Variants in KANK1 observed in about 807,000 individuals in gnomAD.
The protein encoded by KANK1 is KN motif and ankyrin repeat domains 1, also known as KN motif and ankyrin repeat domain-containing protein 1.
KANK1 carries 109 observed loss-of-function variants against 106.2 expected under a neutral mutation model. That is an observed-to-expected ratio of 1.03 (90% confidence interval 0.88 to 1.20). The LOEUF is 1.20. KANK1 is among the 50% of genes most tolerant of loss of function. The pLI is 0.00. For synonymous variants in KANK1, 873 were observed against 652.2 expected, an observed-to-expected ratio of 1.34 and a Z score of -5.16; for missense variants, 2,399 against 1,710.7, an observed-to-expected ratio of 1.40 and a Z score of -7.10.
intron 1 of KANK1, among the ~76,000 whole-genome samples, chr9:604,261 A>C (rs2135944539): frequency 6.6e-6 from 1 of 151,858 alleles, no homozygotes; most frequent in East Asian, 1.9e-4. Context: ...ACTATGTGTC[A>C]GACATTGTAC....
chr9:573,590 C>T (rs1178985807), intron 1 of KANK1, among the ~76,000 whole-genome samples: 1 of 151,878 alleles, frequency 6.6e-6, no homozygotes. Context: ...TTTTTAAAGC[C>T]AGAAGTAATA....
At chr9:706,945 G>C in intron 2 of KANK1, 1 of 985,462 alleles carries the variant, frequency 1.0e-6, no homozygotes, top group East Asian at 1.1e-4. Context: ...TTAAAAATCA[G>C]CTGGCAAAGC....
rs114735518 is a variant in KANK1 at position 558,170 on chromosome 9, G to A, written c.-84+53416G>A. Reference sequence around the variant, plus strand: ...AAAATTTTGGAAGGGCATTAAGGAGGAGCATAGCAAAGAAGTCTAGACCTA... The same window carrying A: ...AAAATTTTGGAAGGGCATTAAGGAGAAGCATAGCAAAGAAGTCTAGACCTA... On this transcript the variant is annotated intron_variant, in intron 1 of 11. Coordinates refer to ENST00000382297, the MANE Select transcript of KANK1 (RefSeq NM_015158.5). Among the ~76,000 whole-genome samples the A allele has an allele frequency of 6.2e-3, 939 of 152,276 alleles. 4 individuals carry two copies. The highest frequency in any genetic ancestry group is 0.02 in the African/African-American group (844 of 41,556).
intron 1 of KANK1, among the ~76,000 whole-genome samples, chr9:652,147 A>G (rs74505247): frequency 0.013 from 1,966 of 152,280 alleles, 41 homozygotes; most frequent in African/African-American, 0.045. Context: ...TTACCCATTT[A>G]TAATTAATTA....
At chr9:579,647 G>T (rs543629048) in intron 1 of KANK1, among the ~76,000 whole-genome samples, 2 of 152,128 alleles carry the variant, frequency 1.3e-5, no homozygotes, top group Non-Finnish European at 2.9e-5. Flanking sequence ...CATGGTGGGG[G>T]AGGTAGGTGG....
chr9:588,505 C>T (rs186457090), intron 1 of KANK1, among the ~76,000 whole-genome samples: 45 of 152,040 alleles, frequency 3.0e-4, no homozygotes, highest in Non-Finnish European at 5.7e-4. Context: ...AAGGCCACAC[C>T]AGTTTATAAT....
intron 2 of KANK1, among the ~76,000 whole-genome samples, chr9:689,965 T>C (rs1819475774): frequency 6.6e-6 from 1 of 151,712 alleles, no homozygotes; most frequent in African/African-American, 2.4e-5. Context: ...CCTTGGGTTT[T>C]GTTGTTGCTG....
chr9:591,040 A>G (rs1493999), intron 1 of KANK1, among the ~76,000 whole-genome samples: 2,781 of 151,894 alleles, frequency 0.018, 160 homozygotes, highest in African/African-American at 0.063. Context: ...AGTTTTATAG[A>G]CAGATGAACA....
At chr9:647,357 A>G (rs1372697290) in intron 1 of KANK1, among the ~76,000 whole-genome samples, 1 of 150,854 alleles carries the variant, frequency 6.6e-6, no homozygotes, top group African/African-American at 2.5e-5. Context: ...ATAAATGACT[A>G]TACTGTGTTG....
intron 3 of KANK1, among the ~76,000 whole-genome samples, chr9:490,958 C>CT (rs758168904): frequency 0.2 from 23,193 of 116,254 alleles, 3,291 homozygotes; most frequent in East Asian, 0.41. Context: ...GCTAAAGTGG[C>CT]TTTTTTTTTT....
intron 1 of KANK1, among the ~76,000 whole-genome samples, chr9:522,335 T>A (rs2059589863): frequency 1.3e-5 from 2 of 151,758 alleles, no homozygotes; most frequent in South Asian, 4.1e-4. Context: ...CGTGGTTCCT[T>A]CATGCAGTTG....
At position 507,628 on chromosome 9, in the gene KANK1, C is replaced by T. The variant is rs938522167; in HGVS notation, c.-84+2874C>T. On this transcript the variant is annotated intron_variant, in intron 1 of 11. Coordinates refer to ENST00000382297, the MANE Select transcript of KANK1 (RefSeq NM_015158.5). Reference sequence around the variant, plus strand: ...CTGGAGTGCAGTGGCGCGATCTCAGCTCACTGCAACCTCCGCCTCCTGGGT... The same window carrying T: ...CTGGAGTGCAGTGGCGCGATCTCAGTTCACTGCAACCTCCGCCTCCTGGGT... Among the ~76,000 whole-genome samples the T allele has an allele frequency of 1.9e-4, 28 of 150,196 alleles. No homozygotes were observed. The East Asian group carries it at 4.5e-3, about 24-fold the overall frequency.
intron 1 of KANK1, among the ~76,000 whole-genome samples, chr9:651,519 G>A (rs977717906): frequency 1.3e-5 from 2 of 152,128 alleles, no homozygotes; most frequent in African/African-American, 4.8e-5. Context: ...CCATGCATTG[G>A]ATACATCCTC....
At position 609,598 on chromosome 9, in the gene KANK1, C is replaced by A. The variant is rs188586504; in HGVS notation, c.-83-67292C>A. The stretch of plus-strand genomic sequence containing the variant: ...TGAGCTGAGATCGCTCCACTGTACT[C>A]CAGCCTGGGTGACAAGAGTGAGACG... On this transcript the variant is annotated intron_variant, in intron 1 of 11. Coordinates refer to ENST00000382297, the MANE Select transcript of KANK1 (RefSeq NM_015158.5). Among the ~76,000 whole-genome samples the A allele has an allele frequency of 2.8e-3, 425 of 152,104 alleles. 7 individuals carry two copies. The highest frequency in any genetic ancestry group is 0.01 in the African/African-American group (423 of 41,486).
At chr9:744,466 C>G in intron 10 of KANK1, 25 bp from the exon 11 acceptor site, 1 of 1,606,112 alleles carries the variant, frequency 6.2e-7, no homozygotes, top group Middle Eastern at 1.7e-4. Flanking sequence ...CCCAACATGG[C>G]TTGTTCTTTC....
At chr9:624,336 G>A (rs759224104) in intron 1 of KANK1, among the ~76,000 whole-genome samples, 22 of 152,120 alleles carry the variant, frequency 1.4e-4, no homozygotes, top group South Asian at 4.2e-4. Context: ...CCATGCAGAG[G>A]GTAACTATGT....
At chr9:640,205 A>C (rs1314442354) in intron 1 of KANK1, among the ~76,000 whole-genome samples, 1 of 152,044 alleles carries the variant, frequency 6.6e-6, no homozygotes, top group African/African-American at 2.4e-5. Flanking sequence ...AGTCCATCTG[A>C]ATGGAAACTC....
intron 1 of KANK1, among the ~76,000 whole-genome samples, chr9:638,801 AT>A (rs779254577): frequency 2.0e-5 from 3 of 152,140 alleles, no homozygotes; most frequent in Non-Finnish European, 4.4e-5. Context: ...TTTCTCTTCT[AT>A]CCCTTCCAGA....
chr9:529,232 T>TACAC (rs1298875369), intron 1 of KANK1, among the ~76,000 whole-genome samples: 29 of 142,386 alleles, frequency 2.0e-4, no homozygotes, highest in Admixed American at 1.6e-3. Flanking sequence ...TATATATATA[T>TACAC]ATACACACAC....
Sources: allele counts gnomAD v4.1 joint callset (sites outside exome capture counted in the v4.1 genomes callset), GRCh38; gene constraint gnomAD v4.1.1; transcripts MANE v1.5; gene names NCBI Gene and HGNC (gene_info 2026-07-23, HGNC 2026-07-21).